LARGE1: variants seen among roughly 807,000 people sequenced by gnomAD.
LARGE1 encodes xylosyl- and glucuronyltransferase LARGE1.
LARGE1 carries 43 observed loss-of-function variants against 87.6 expected under a neutral mutation model. That is an observed-to-expected ratio of 0.49 (90% CI 0.38 to 0.63). LARGE1 has a LOEUF of 0.63. LARGE1 is among the 30% of genes least tolerant of loss of function. LARGE1 has a pLI of 0.00. For missense variants in LARGE1, 802 were observed against 1,000.2 expected, an observed-to-expected ratio of 0.80 and a Z score of 2.67; for synonymous variants, 434 against 394.6, an observed-to-expected ratio of 1.10 and a Z score of -1.18.
At chr22:33,610,822 G>A (rs974032665) in intron 4 of LARGE1, among the ~76,000 whole-genome samples, 1 of 152,130 alleles carries the variant, frequency 6.6e-6, no homozygotes, top group African/African-American at 2.4e-5. Flanking sequence ...CCTGGGCCAG[G>A]GCCAGGACAC....
chr22:33,069,871 G>A, the LARGE1 span, among the ~76,000 whole-genome samples: 45 of 145,262 alleles, frequency 3.1e-4, no homozygotes, highest in African/African-American at 1.1e-3. Flanking sequence ...AGGCTGGAGT[G>A]CAATGGCGCG....
chr22:33,129,925 T>G, the LARGE1 span, among the ~76,000 whole-genome samples: 2,279 of 152,288 alleles, frequency 0.015, 32 homozygotes, highest in Admixed American at 0.052. Context: ...AGATTTTGGG[T>G]GGGGACACAC....
rs137882353 is a variant in LARGE1 at position 33,383,830 on chromosome 22, C to T, written c.1005+362G>A. ...GGTCCCAGAGAGCAGGCCCTGTGCACTCCACCTGGTGATGAAGAGGGCACC... is the reference window on the plus strand; with the variant it reads ...GGTCCCAGAGAGCAGGCCCTGTGCATTCCACCTGGTGATGAAGAGGGCACC... On this transcript the variant is annotated intron_variant, in intron 8 of 14. Coordinates refer to ENST00000397394, the MANE Select transcript of LARGE1 (RefSeq NM_133642.5). Among the ~76,000 whole-genome samples, 276 of 152,300 alleles carry T rather than the reference C, an allele frequency of 1.8e-3. 1 individual carries two copies. Among genetic ancestry groups the T allele is most frequent in the African/African-American group, 6.4e-3 (265 of 41,582 alleles).
chr22:33,105,866 GA>G, the LARGE1 span: 1 of 152,454 alleles, frequency 6.6e-6, no homozygotes, highest in Non-Finnish European at 1.5e-5. Context: ...CTCGGAGCAG[GA>G]AAGCCTGATG....
intron 5 of LARGE1, among the ~76,000 whole-genome samples, chr22:33,588,735 G>T (rs1012348391): frequency 2.0e-5 from 3 of 152,198 alleles, no homozygotes; most frequent in Non-Finnish European, 2.9e-5. Flanking sequence ...GCTTAAGAGG[G>T]AGTCAGAGAG....
intron 11 of LARGE1, among the ~76,000 whole-genome samples, chr22:33,249,227 T>G (rs972424568): frequency 9.9e-5 from 15 of 152,236 alleles, no homozygotes; most frequent in African/African-American, 2.7e-4. Context: ...TTCCAGATTT[T>G]GGCCATTCTA....
chr22:33,341,048 CTA>C (rs1378464304), intron 9 of LARGE1, among the ~76,000 whole-genome samples: 4 of 148,722 alleles, frequency 2.7e-5, no homozygotes, highest in African/African-American at 1.0e-4. Context: ...ATGTAATGGA[CTA>C]TCTCCCATTC....
chr22:33,270,268 A>C (rs1602178242), downstream of LARGE1, among the ~76,000 whole-genome samples: 2 of 151,944 alleles, frequency 1.3e-5, 1 homozygote, highest in African/African-American at 4.8e-5. Flanking sequence ...GTGACATTTC[A>C]TAAACTTGAA....
At chr22:33,578,110 T>TC (rs1368987577) in intron 5 of LARGE1, among the ~76,000 whole-genome samples, 3 of 152,012 alleles carry the variant, frequency 2.0e-5, no homozygotes, top group Non-Finnish European at 4.4e-5. Flanking sequence ...GACATTCACC[T>TC]CCCCCCGCCA....
At position 33,820,285 on chromosome 22, in the gene LARGE1, C is replaced by A. The variant is rs577043659; in HGVS notation, c.-82-58727G>T. 2.0e-5 allele frequency among the ~76,000 whole-genome samples: 3 copies of A among 152,218 alleles called. No homozygotes were observed. The East Asian group carries it at 5.8e-4, about 29-fold the overall frequency. ...TTAATTTTTCTTCCCTTTATTTTCT[C>A]CCATAGCATATTGCCATAACTTCTA... On this transcript the variant is annotated intron_variant, in intron 1 of 14. Coordinates refer to ENST00000397394, the MANE Select transcript of LARGE1 (RefSeq NM_133642.5).
intron 6 of LARGE1, among the ~76,000 whole-genome samples, chr22:33,454,148 T>C (rs2068041837): frequency 6.6e-6 from 1 of 152,154 alleles, no homozygotes; most frequent in Non-Finnish European, 1.5e-5. Flanking sequence ...TCATGAAACA[T>C]CTCAATTTTA....
chr22:33,301,318 A>G (rs750444697), intron 12 of LARGE1, among the ~76,000 whole-genome samples: 3 of 152,144 alleles, frequency 2.0e-5, no homozygotes, highest in Non-Finnish European at 4.4e-5. Context: ...TTTGGTGCCT[A>G]GGAATTGTCT....
chr22:33,827,206 C>CAA (rs746378067), intron 1 of LARGE1, among the ~76,000 whole-genome samples: 29 of 135,636 alleles, frequency 2.1e-4, no homozygotes, highest in Non-Finnish European at 3.1e-4. Flanking sequence ...ATTAAAAATA[C>CAA]AAAAAAAAAA....
the LARGE1 span, among the ~76,000 whole-genome samples, chr22:33,152,489 G>A: frequency 9.9e-5 from 15 of 152,146 alleles, no homozygotes; most frequent in African/African-American, 2.4e-4. Context: ...CCAGCTGAGA[G>A]GTCTTTTCAG....
chr22:33,408,530 T>A (rs1410454344), intron 7 of LARGE1, among the ~76,000 whole-genome samples: 2 of 152,146 alleles, frequency 1.3e-5, no homozygotes, highest in Non-Finnish European at 2.9e-5. Context: ...CCCCTATTTA[T>A]CAGGGTTTTC....
chr22:33,892,229 C>T (rs1168992616), intron 1 of LARGE1, among the ~76,000 whole-genome samples: 1 of 152,162 alleles, frequency 6.6e-6, no homozygotes, highest in East Asian at 1.9e-4. Flanking sequence ...AGTCATGCAC[C>T]TGCAGGTCAG....
chr22:33,283,024 G>T lies in LARGE1; in HGVS notation c.1877+178C>A, dbSNP rs562073749. Among the ~76,000 whole-genome samples, 5 of 152,284 alleles carry T rather than the reference G, an allele frequency of 3.3e-5. No homozygotes were observed. In the South Asian group the frequency reaches 1.0e-3, roughly 32 times the overall value. On this transcript the variant is annotated intron_variant, in intron 13 of 14. Coordinates refer to ENST00000397394, the MANE Select transcript of LARGE1 (RefSeq NM_133642.5). Reference sequence around the variant, plus strand: ...CACAAAAAAGTACATGGCACGTACCGGCATGGGGAGAGGAGGGAGATTACA... The same window carrying T: ...CACAAAAAAGTACATGGCACGTACCTGCATGGGGAGAGGAGGGAGATTACA...
the LARGE1 span, among the ~76,000 whole-genome samples, chr22:33,070,969 A>C: frequency 1.3e-5 from 2 of 152,190 alleles, no homozygotes; most frequent in Non-Finnish European, 1.5e-5. Context: ...CAGAATTTCC[A>C]AAGTCTGTTT....
At chr22:33,235,788 G>A (rs1424825715) in intron 11 of LARGE1, among the ~76,000 whole-genome samples, 1 of 152,102 alleles carries the variant, frequency 6.6e-6, no homozygotes, top group Non-Finnish European at 1.5e-5. Flanking sequence ...GTATTCTAGT[G>A]GTCAAAGCAA....
Sources: allele counts gnomAD v4.1 joint callset (sites outside exome capture counted in the v4.1 genomes callset), GRCh38; gene constraint gnomAD v4.1.1; transcripts MANE v1.5; gene names NCBI Gene and HGNC (gene_info 2026-07-23, HGNC 2026-07-21).